Variants in NDUFS2 observed in about 807,000 individuals in gnomAD.
The protein encoded by NDUFS2 is NADH dehydrogenase [ubiquinone] iron-sulfur protein 2, mitochondrial.
In NDUFS2, 38 loss-of-function variants were observed where a neutral mutation model predicts 69.6. The ratio of observed to expected loss-of-function variants is 0.55; its 90% confidence interval spans 0.42 to 0.72. The LOEUF is 0.72. Ranked by LOEUF, NDUFS2 falls within the 30% of genes least tolerant of loss-of-function variation. The probability of loss-of-function intolerance (pLI) is 0.00; values close to 1 mark genes in which losing one functional copy is unlikely to be tolerated. For synonymous variants in NDUFS2, 194 were observed against 211.2 expected, an observed-to-expected ratio of 0.92 and a Z score of 0.70; for missense variants, 468 against 595.0, an observed-to-expected ratio of 0.79 and a Z score of 2.22.
chr1:161,198,523 C>T, upstream of NDUFS2: 3 of 1,567,152 alleles, frequency 1.9e-6, no homozygotes, highest in Non-Finnish European at 2.6e-6. The surrounding 1 kb of genome is among the most constrained non-coding windows in gnomAD (Gnocchi z 4.7). Flanking sequence ...GAAGCAGCCA[C>T]ACCAGCCAGG....
Position 161,214,271 on chromosome 1 carries a change from G to GTA in NDUFS2, c.*79_*80insAT, listed in dbSNP as rs1665936025. 3.3e-6 allele frequency: 2 copies of GTA among 604,258 alleles called. No individual in the cohort carries two copies. Among genetic ancestry groups the GTA allele is most frequent in the African/African-American group, 3.9e-5 (2 of 50,720 alleles). The allele number at this position is 604,258 out of a possible 1,614,324, so 37.4% of individuals were successfully genotyped here. On this transcript the variant is annotated 3_prime_UTR_variant, in exon 14 of 14. Coordinates refer to ENST00000676972, the MANE Select transcript of NDUFS2 (RefSeq NM_001377299.1). ...TGTTCCTCACTGGAAATTGGCCTCT[G>GTA]TGTGTGTGTGTGTGTGTGTGTGTGT...
rs555740841 is a variant in NDUFS2 at position 161,213,991 on chromosome 1, G to C, written c.1354+70G>C. ...TCGGGACGCCCACTGGGGACAGAAG[G>C]AGAACACTTCCTGTTCACCATAGGC... On this transcript the variant is annotated intron_variant, in intron 13 of 13. Coordinates refer to ENST00000676972, the MANE Select transcript of NDUFS2 (RefSeq NM_001377299.1). The C allele has an allele frequency of 9.9e-6, 16 of 1,613,880 alleles. No homozygotes were observed. In the African/African-American group the frequency reaches 1.5e-4, roughly 15 times the overall value.
upstream of NDUFS2, chr1:161,198,526 C>A: frequency 6.4e-7 from 1 of 1,567,220 alleles, no homozygotes; most frequent in East Asian, 2.4e-5. This position sits in a 1 kb window ranked among gnomAD's most constrained non-coding sequence, Gnocchi z 4.7. Context: ...GCAGCCACAC[C>A]AGCCAGGAGA....
chr1:161,197,952 T>C (rs1188497191), upstream of NDUFS2: 2 of 1,520,714 alleles, frequency 1.3e-6, no homozygotes, highest in African/African-American at 2.8e-5. Flanking sequence ...AGGACAGACA[T>C]GGCGGGAGGA....
At chr1:161,203,326 A>T (rs1665261589) in intron 1 of NDUFS2, 111 bp from the exon 2 acceptor site, 1 of 935,660 alleles carries the variant, frequency 1.1e-6, no homozygotes, top group Non-Finnish European at 1.7e-6. Context: ...AAAAAACAAA[A>T]CAAAACAAAA....
At chr1:161,205,636 T>G (rs529285701) in intron 2 of NDUFS2, among the ~76,000 whole-genome samples, 3 of 152,068 alleles carry the variant, frequency 2.0e-5, no homozygotes, top group Non-Finnish European at 4.4e-5. Flanking sequence ...GGCATGGTGG[T>G]GTGCGCCTGT....
chr1:161,197,825 G>A (rs1341939177), upstream of NDUFS2, among the ~76,000 whole-genome samples: 1 of 152,080 alleles, frequency 6.6e-6, no homozygotes, highest in African/African-American at 2.4e-5. Context: ...GTGAAGGGGA[G>A]AGGCCTGAGC....
intron 9 of NDUFS2, among the ~76,000 whole-genome samples, chr1:161,211,327 G>C (rs1458921324): frequency 6.6e-6 from 1 of 152,176 alleles, no homozygotes; most frequent in Non-Finnish European, 1.5e-5. Context: ...CTGATCCAGT[G>C]TTCTTTCTAG....
Position 161,214,255 on chromosome 1 carries a change from C to T in NDUFS2, c.*62C>T, listed in dbSNP as rs1426344886. The T allele has an allele frequency of 4.0e-6, 6 of 1,492,178 alleles. No homozygotes were observed. The highest frequency in any genetic ancestry group is 1.4e-5 in the African/African-American group (1 of 70,272). The allele number at this position is 1,492,178 out of a possible 1,614,324, so 92.4% of individuals were successfully genotyped here. A position where few individuals can be genotyped will look rare whatever the true frequency, so the allele number is the denominator to read the frequency against. On this transcript the variant is annotated 3_prime_UTR_variant, in exon 14 of 14. Transcript: ENST00000676972. Reference sequence around the variant, plus strand: ...CTTCTTCTGTGGAGCCTGTTCCTCACTGGAAATTGGCCTCTGTGTGTGTGT... The same window carrying T: ...CTTCTTCTGTGGAGCCTGTTCCTCATTGGAAATTGGCCTCTGTGTGTGTGT...
upstream of NDUFS2, chr1:161,199,301 T>G (rs554021151): frequency 7.2e-5 from 11 of 152,494 alleles, no homozygotes; most frequent in Non-Finnish European, 1.5e-4. Context: ...TCTTTCCCTT[T>G]TTGGTGGGAC....
At chr1:161,212,281 A>G in intron 9 of NDUFS2, 70 bp from the exon 10 acceptor site, 1 of 1,602,416 alleles carries the variant, frequency 6.2e-7, no homozygotes, top group Non-Finnish European at 8.5e-7. Flanking sequence ...GGTTGGCCAA[A>G]GGGCATCCTT....
upstream of NDUFS2, chr1:161,198,757 C>T (rs1177686870): frequency 2.4e-5 from 20 of 850,862 alleles, no homozygotes; most frequent in Non-Finnish European, 3.5e-5. The surrounding 1 kb of genome is among the most constrained non-coding windows in gnomAD (Gnocchi z 4.7). Context: ...GCAAAGTTTT[C>T]AGAAGGGCTG....
chr1:161,197,428 G>A (rs189715297), upstream of NDUFS2: 659 of 159,014 alleles, frequency 4.1e-3, 3 homozygotes, highest in Non-Finnish European at 6.6e-3. Context: ...AGGAAAGGAT[G>A]GAGCCTCAGG....
upstream of NDUFS2, among the ~76,000 whole-genome samples, chr1:161,201,673 T>G (rs909571437): frequency 6.6e-6 from 1 of 152,102 alleles, no homozygotes; most frequent in South Asian, 2.1e-4. Flanking sequence ...TGTGATTCTG[T>G]AGGTTCGGGA....
rs955509845 is a variant in NDUFS2 at position 161,209,726 on chromosome 1, TG to T, written c.628-128del. The T allele has an allele frequency of 3.2e-6, 4 of 1,268,044 alleles. No individual in the cohort carries two copies. In the African/African-American group the frequency reaches 5.9e-5, roughly 19 times the overall value. 78.5% of individuals were successfully genotyped at this position (1,268,044 alleles called of 1,614,324 possible). A position where few individuals can be genotyped will look rare whatever the true frequency, so the allele number is the denominator to read the frequency against. On this transcript the variant is annotated intron_variant, in intron 5 of 13. Transcript: ENST00000676972. ...TTAGAGGGGGAAGGTATGTTTAACT[TG>T]GGTTATATTTGTAGAAACTATATCA...
At chr1:161,208,938 G>T (rs961662490) in intron 3 of NDUFS2, among the ~76,000 whole-genome samples, 1 of 152,154 alleles carries the variant, frequency 6.6e-6, no homozygotes, top group African/African-American at 2.4e-5. Flanking sequence ...TGGCCATTGT[G>T]GGAGTATTTT....
At chr1:161,203,325 A>T in intron 1 of NDUFS2, 112 bp from the exon 2 acceptor site, 1 of 928,796 alleles carries the variant, frequency 1.1e-6, no homozygotes, top group Non-Finnish European at 1.7e-6. Context: ...CAAAAAACAA[A>T]ACAAAACAAA....
intron 13 of NDUFS2, 51 bp downstream of exon 13, chr1:161,213,972 C>T (rs143829179): frequency 4.5e-5 from 72 of 1,614,002 alleles, no homozygotes; most frequent in Middle Eastern, 1.7e-4. Context: ...GAGTTCGGGA[C>T]GCCCACTGGG....
At position 161,210,822 on chromosome 1, in the gene NDUFS2, T is replaced by G. The variant is rs1435373644; in HGVS notation, c.986+112T>G. ...TTCTCAGTGTCTGTGGGAGCTCTTGTGTGTGTTAGACGAGGTTGCTCTCAA... is the reference window on the plus strand; with the variant it reads ...TTCTCAGTGTCTGTGGGAGCTCTTGGGTGTGTTAGACGAGGTTGCTCTCAA... On this transcript the variant is annotated intron_variant, in intron 9 of 13. Transcript: ENST00000676972. 4 of 1,520,902 alleles carry G rather than the reference T, an allele frequency of 2.6e-6. No individual in the cohort carries two copies. In the Admixed American group the frequency reaches 6.9e-5, roughly 26 times the overall value. The allele number at this position is 1,520,902 out of a possible 1,614,324, so 94.2% of individuals were successfully genotyped here.
Sources: allele counts gnomAD v4.1 joint callset (sites outside exome capture counted in the v4.1 genomes callset), GRCh38; gene constraint gnomAD v4.1.1; non-coding constraint Gnocchi (gnomAD v3.1); transcripts MANE v1.5; gene names NCBI Gene and HGNC (gene_info 2026-07-23, HGNC 2026-07-21).